GLIS3: variants seen among roughly 807,000 people sequenced by gnomAD.
GLIS3 encodes zinc finger protein GLIS3.
GLIS3 carries 53 observed loss-of-function variants against 78.6 expected under a neutral mutation model. The ratio of observed to expected loss-of-function variants is 0.67; its 90% confidence interval spans 0.54 to 0.85. The LOEUF (loss-of-function observed/expected upper bound fraction) is 0.85, where lower values mean the gene tolerates loss of function less well. Ranked by LOEUF, GLIS3 falls within the 40% of genes least tolerant of loss-of-function variation. GLIS3 has a pLI of 0.00. For synonymous variants in GLIS3, 684 were observed against 509.9 expected (o/e 1.34, Z -4.60); for missense variants, 1,703 against 1,231.1 (o/e 1.38, Z -5.74).
the GLIS3 span, among the ~76,000 whole-genome samples, chr9:4,477,672 C>G: frequency 6.6e-6 from 1 of 152,102 alleles, no homozygotes; most frequent in Non-Finnish European, 1.5e-5. Context: ...CCTGGGCCTC[C>G]CAAAGTGCTG....
chr9:4,010,264 A>G (rs1027058217), intron 4 of GLIS3, among the ~76,000 whole-genome samples: 3 of 152,192 alleles, frequency 2.0e-5, no homozygotes, highest in Non-Finnish European at 4.4e-5. Context: ...TACTAGACAT[A>G]TAACCTTGGC....
At chr9:3,959,353 G>GT (rs1310120659) in intron 4 of GLIS3, among the ~76,000 whole-genome samples, 1 of 152,158 alleles carries the variant, frequency 6.6e-6, no homozygotes, top group Non-Finnish European at 1.5e-5. Flanking sequence ...CTCCAAAACT[G>GT]TAAGAAATAC....
At chr9:4,002,906 G>T (rs1184070645) in intron 4 of GLIS3, among the ~76,000 whole-genome samples, 1 of 152,140 alleles carries the variant, frequency 6.6e-6, no homozygotes, top group Non-Finnish European at 1.5e-5. Flanking sequence ...ATGAGGCAAA[G>T]GTCAAGAGAT....
intron 2 of GLIS3, among the ~76,000 whole-genome samples, chr9:4,249,473 C>T (rs1824144258): frequency 6.6e-6 from 1 of 152,136 alleles, no homozygotes; most frequent in Admixed American, 6.6e-5. Flanking sequence ...GATTTTGTAT[C>T]CCTAGACTTT....
chr9:3,922,439 A>G (rs781691719), intron 6 of GLIS3, among the ~76,000 whole-genome samples: 3 of 152,208 alleles, frequency 2.0e-5, no homozygotes, highest in Admixed American at 2.0e-4. Context: ...TTTCAATGAA[A>G]GTTTGCATAT....
At chr9:3,878,569 A>G (rs1056691368) in intron 8 of GLIS3, 2 of 152,162 alleles carry the variant, frequency 1.3e-5, no homozygotes, top group African/African-American at 4.8e-5. Flanking sequence ...CCTGCTGCCT[A>G]TTCAACCCAT....
At chr9:4,396,580 A>C in the GLIS3 span, among the ~76,000 whole-genome samples, 4 of 152,330 alleles carry the variant, frequency 2.6e-5, no homozygotes, top group East Asian at 1.9e-4. Context: ...TTTTTCATTG[A>C]AAGATTATCG....
At position 4,297,974 on chromosome 9, in the gene GLIS3, G is replaced by A. The variant is rs548593426; in HGVS notation, c.-99+1447C>T. On this transcript the variant is annotated intron_variant, in intron 1 of 10. Transcript: ENST00000381971. Reference sequence around the variant, plus strand: ...CCGGAGGCGGAGGCGACAGCGCCCGGCGGGGTACGCGCGGCTGCGACCCCG... The same window carrying A: ...CCGGAGGCGGAGGCGACAGCGCCCGACGGGGTACGCGCGGCTGCGACCCCG... Among the ~76,000 whole-genome samples, 93 of 151,480 alleles carry A rather than the reference G, an allele frequency of 6.1e-4. 1 individual carries two copies. Among genetic ancestry groups the A allele is most frequent in the Admixed American group, 2.0e-3 (31 of 15,194 alleles).
chr9:3,829,431 C>A lies in GLIS3; in HGVS notation c.2535G>T (p.Val845=). The A allele has an allele frequency of 6.2e-7, 1 of 1,614,160 alleles. No homozygotes were observed. Among genetic ancestry groups the A allele is most frequent in the Non-Finnish European group, 8.5e-7 (1 of 1,180,018 alleles). The change falls in exon 10 of 11, where the codon GTG becomes GTT. Residue 845 remains valine (V), a synonymous_variant. Coordinates refer to ENST00000381971, the MANE Select transcript of GLIS3 (RefSeq NM_001042413.2). ...CCACACTGCAGGAGCTGACAGGCGG[C>A]ACAATTCTCTGGGAATCGGGGTAGT... ...PPHYPDSQRI[V]PPVSSCSVVP...
chr9:4,288,138 G>T (rs993302967), intron 1 of GLIS3, among the ~76,000 whole-genome samples: 1 of 152,138 alleles, frequency 6.6e-6, no homozygotes, highest in South Asian at 2.1e-4. Flanking sequence ...ATTTATGTAG[G>T]AGAACTCCTG....
chr9:4,449,831 C>T, the GLIS3 span, among the ~76,000 whole-genome samples: 1 of 152,176 alleles, frequency 6.6e-6, no homozygotes, highest in Non-Finnish European at 1.5e-5. Context: ...CACCAAAACC[C>T]TATCTGTAGG....
chr9:4,404,159 T>A, the GLIS3 span, among the ~76,000 whole-genome samples: 1 of 152,260 alleles, frequency 6.6e-6, no homozygotes, highest in Admixed American at 6.5e-5. Context: ...AGGGGACAAT[T>A]CAGCAAGAGG....
At chr9:4,293,492 T>C (rs751912038) in intron 1 of GLIS3, among the ~76,000 whole-genome samples, 1 of 152,204 alleles carries the variant, frequency 6.6e-6, no homozygotes, top group Non-Finnish European at 1.5e-5. Context: ...TGACAACATA[T>C]TTATTAAAAA....
intron 9 of GLIS3, among the ~76,000 whole-genome samples, chr9:3,854,703 A>T (rs941837064): frequency 2.0e-5 from 3 of 147,880 alleles, no homozygotes; most frequent in African/African-American, 7.5e-5. Context: ...CGCCTGGCTA[A>T]TTTTTTTTTT....
At chr9:4,361,222 G>T in the GLIS3 span, among the ~76,000 whole-genome samples, 1 of 152,160 alleles carries the variant, frequency 6.6e-6, no homozygotes, top group Non-Finnish European at 1.5e-5. Context: ...TCTCTAGGCA[G>T]TCTTAATGTA....
the GLIS3 span, among the ~76,000 whole-genome samples, chr9:4,450,884 A>G: frequency 2.6e-4 from 40 of 152,208 alleles, 2 homozygotes; most frequent in Non-Finnish European, 5.9e-5. Flanking sequence ...GGTACCAGAC[A>G]CTGCAAAAAC....
At chr9:4,381,607 C>A in the GLIS3 span, among the ~76,000 whole-genome samples, 5 of 151,742 alleles carry the variant, frequency 3.3e-5, no homozygotes, top group African/African-American at 7.3e-5. Flanking sequence ...GCATGAACCT[C>A]CAACTGGGGC....
chr9:4,256,389 A>C (rs902529344), intron 2 of GLIS3, among the ~76,000 whole-genome samples: 1 of 152,234 alleles, frequency 6.6e-6, no homozygotes, highest in Non-Finnish European at 1.5e-5. Context: ...TACCTGGACA[A>C]CTTTAGTAAC....
intron 4 of GLIS3, among the ~76,000 whole-genome samples, chr9:4,060,517 G>C (rs1292735102): frequency 6.6e-6 from 1 of 152,172 alleles, no homozygotes; most frequent in Non-Finnish European, 1.5e-5. Flanking sequence ...GGTCATGACA[G>C]CTCTGCCCTC....
Sources: allele counts gnomAD v4.1 joint callset (sites outside exome capture counted in the v4.1 genomes callset), GRCh38; gene constraint gnomAD v4.1.1; transcripts MANE v1.5; gene names NCBI Gene and HGNC (gene_info 2026-07-23, HGNC 2026-07-21).